The following ABCD3 variants were observed in gnomAD, a reference collection of about 807,000 sequenced individuals.
ABCD3 encodes the protein ATP binding cassette subfamily D member 3, also known as ATP-binding cassette sub-family D member 3.
A neutral mutation model predicts 105.5 loss-of-function variants in ABCD3; 41 were observed. The ratio of observed to expected loss-of-function variants is 0.39; its 90% confidence interval spans 0.30 to 0.50. The LOEUF (loss-of-function observed/expected upper bound fraction) is 0.50, where lower values mean the gene tolerates loss of function less well. Ranked by LOEUF, ABCD3 falls within the 20% of genes least tolerant of loss-of-function variation. ABCD3 has a pLI of 0.84. For missense variants in ABCD3, 622 were observed against 806.3 expected (o/e 0.77, Z 2.77); for synonymous variants, 258 against 269.0 (o/e 0.96, Z 0.40).
intron 1 of ABCD3, among the ~76,000 whole-genome samples, chr1:94,452,713 G>T (rs978009509): frequency 7.9e-5 from 12 of 151,228 alleles, no homozygotes; most frequent in African/African-American, 2.2e-4. Flanking sequence ...GGTGTCAATG[G>T]TTTTTTTTGT....
the ABCD3 span, among the ~76,000 whole-genome samples, chr1:94,390,705 G>A: frequency 6.6e-6 from 1 of 152,274 alleles, no homozygotes; most frequent in African/African-American, 2.4e-5. Flanking sequence ...GGGAAGGACA[G>A]TTGCAAGTGT....
chr1:94,410,146 G>A, the ABCD3 span, among the ~76,000 whole-genome samples: 1 of 152,166 alleles, frequency 6.6e-6, no homozygotes. Flanking sequence ...GGGGACAAGA[G>A]AACCAAAATT....
At chr1:94,474,045 T>A (rs1648613282) in intron 5 of ABCD3, among the ~76,000 whole-genome samples, 1 of 148,960 alleles carries the variant, frequency 6.7e-6, no homozygotes, top group African/African-American at 2.5e-5. Flanking sequence ...ATTTATAATG[T>A]GTATATATAT....
chr1:94,452,322 G>A (rs1647296262), intron 1 of ABCD3, among the ~76,000 whole-genome samples: 1 of 152,214 alleles, frequency 6.6e-6, no homozygotes. Context: ...TAGTATATGA[G>A]CAAATAGTGG....
intron 1 of ABCD3, among the ~76,000 whole-genome samples, chr1:94,441,968 T>C (rs1177109419): frequency 6.6e-6 from 1 of 152,198 alleles, no homozygotes; most frequent in Admixed American, 6.5e-5. Flanking sequence ...CTATCCATGT[T>C]AATTTCATGA....
chr1:94,514,905 T>C (rs1366963499), intron 21 of ABCD3: 5 of 483,680 alleles, frequency 1.0e-5, no homozygotes, highest in African/African-American at 9.7e-5. Flanking sequence ...GGAGATATGT[T>C]TTTTGCCCAA....
chr1:94,474,745 C>T (rs1173179685), intron 5 of ABCD3, among the ~76,000 whole-genome samples: 1 of 148,984 alleles, frequency 6.7e-6, no homozygotes, highest in African/African-American at 2.5e-5. Flanking sequence ...TTAACAAATG[C>T]AAATATAGTG....
Position 94,475,169 on chromosome 1 carries a change from G to T in ABCD3, c.432G>T (p.Lys144Asn), listed in dbSNP as rs1405303889. Reference sequence around the variant, plus strand: ...TCTCTCTGGTTAATAACTTCTTGAAGTATGGGTTAAATGAGCTTAAACTGT... The same window carrying T: ...TCTCTCTGGTTAATAACTTCTTGAATTATGGGTTAAATGAGCTTAAACTGT... ...PLISLVNNFL[K>N]YGLNELKLCF... The change falls in exon 6 of 23, where the codon AAG becomes AAT. Residue 144 changes from lysine (K) to asparagine (N), a missense_variant. Physicochemically the swap from Lys to Asn is moderately conservative, Grantham distance 94. Around this residue, in one of 4 missense-constraint regions of ABCD3, gnomAD observed 245 missense variants for 356.4 expected, o/e 0.69. Coordinates refer to ENST00000370214, the MANE Select transcript of ABCD3 (RefSeq NM_002858.4). The T allele has an allele frequency of 4.4e-6, 7 of 1,603,472 alleles. No homozygotes were observed. Among genetic ancestry groups the T allele is most frequent in the Non-Finnish European group, 6.0e-6 (7 of 1,173,802 alleles).
chr1:94,506,921 T>C (rs948402351), intron 21 of ABCD3, among the ~76,000 whole-genome samples: 36 of 151,920 alleles, frequency 2.4e-4, no homozygotes, highest in African/African-American at 8.4e-4. Flanking sequence ...ACAAAAGATA[T>C]CTCATTTATA....
At chr1:94,463,724 T>C (rs775225772) in intron 2 of ABCD3, among the ~76,000 whole-genome samples, 6 of 152,178 alleles carry the variant, frequency 3.9e-5, no homozygotes, top group Non-Finnish European at 7.3e-5. Context: ...ACTTCCATTT[T>C]CATGGAGCTA....
chr1:94,498,608 T>C lies in ABCD3; in HGVS notation c.1393T>C (p.Ser465Pro). 1 of 1,613,166 alleles carries C rather than the reference T, an allele frequency of 6.2e-7. No homozygotes were observed. Among genetic ancestry groups the C allele is most frequent in the Non-Finnish European group, 8.5e-7 (1 of 1,179,702 alleles). ...LIRDLNFEVR[S>P]GANVLICGPN... ...ATTTTTTTTTTTTTTTCAGGTTCGATCTGGGGCTAATGTTCTAATTTGTGG... is the reference window on the plus strand; with the variant it reads ...ATTTTTTTTTTTTTTTCAGGTTCGACCTGGGGCTAATGTTCTAATTTGTGG... Residue 465 changes from serine to proline, a missense_variant, in exon 17 of 23, where the codon TCT (serine) becomes CCT (proline). This residue lies in a region of ABCD3 where 285 missense variants were observed against 352.5 expected (regional missense o/e 0.81). Coordinates refer to ENST00000370214, the MANE Select transcript of ABCD3 (RefSeq NM_002858.4).
Position 94,489,754 on chromosome 1 carries a change from A to C in ABCD3, c.1187A>C (p.Gln396Pro). The change falls in exon 14 of 23, where the codon CAA becomes CCA. Residue 396 changes from glutamine (Q) to proline (P), a missense_variant. Transcript: ENST00000370214. Reference protein sequence around the residue: ...GFTARITELMQVLKDLNHGKY... With the variant: ...GFTARITELMPVLKDLNHGKY... The stretch of plus-strand genomic sequence containing the variant: ...ACTGCTCGGATTACAGAATTAATGC[A>C]AGTACTGAAGGATTTAAATCATGGC... The C allele has an allele frequency of 6.2e-7, 1 of 1,613,196 alleles. No individual in the cohort carries two copies. The highest frequency in any genetic ancestry group is 1.1e-5 in the South Asian group (1 of 91,050).
At chr1:94,472,675 G>A (rs1230922447) in intron 4 of ABCD3, among the ~76,000 whole-genome samples, 1 of 152,060 alleles carries the variant, frequency 6.6e-6, no homozygotes, top group Non-Finnish European at 1.5e-5. Context: ...ACATTTGTTA[G>A]ATTTGTTTAA....
chr1:94,462,708 C>G (rs1406127401), intron 2 of ABCD3, among the ~76,000 whole-genome samples: 7 of 152,074 alleles, frequency 4.6e-5, no homozygotes, highest in African/African-American at 1.7e-4. Context: ...TTTAGAGTAG[C>G]TAGAAACAGG....
chr1:94,482,001 C>G (rs1284377525), intron 9 of ABCD3: 1 of 152,184 alleles, frequency 6.6e-6, no homozygotes, highest in Non-Finnish European at 1.5e-5. Flanking sequence ...GGGCAGCCAT[C>G]AATATTCCAG....
intron 8 of ABCD3, 26 bp from the exon 9 acceptor site, chr1:94,480,438 G>GC (rs772190394): frequency 2.5e-6 from 4 of 1,613,326 alleles, no homozygotes; most frequent in Non-Finnish European, 3.4e-6. Context: ...AGAACTTTGT[G>GC]TATCTTTCTC....
the ABCD3 span, among the ~76,000 whole-genome samples, chr1:94,403,917 A>T: frequency 6.6e-6 from 1 of 152,174 alleles, no homozygotes; most frequent in Non-Finnish European, 1.5e-5. Context: ...ATGAGGTATG[A>T]TCATTGCTAC....
chr1:94,510,882 T>C (rs1365083901), intron 21 of ABCD3, among the ~76,000 whole-genome samples: 1 of 152,172 alleles, frequency 6.6e-6, no homozygotes, highest in Non-Finnish European at 1.5e-5. Flanking sequence ...AGCCTATGTG[T>C]GTCTCTGCAC....
intron 16 of ABCD3, among the ~76,000 whole-genome samples, chr1:94,495,895 A>G (rs1335574804): frequency 6.6e-6 from 1 of 152,190 alleles, no homozygotes; most frequent in Non-Finnish European, 1.5e-5. Flanking sequence ...TATGAGGAAC[A>G]TTCAGTATAT....
Sources: gnomAD v4.1 joint callset for allele counts (sites outside exome capture counted in the v4.1 genomes callset) on GRCh38, gnomAD v4.1.1 for gene constraint, gnomAD v4.1.1 regional missense constraint, MANE v1.5 for transcripts, NCBI Gene and HGNC (gene_info 2026-07-23, HGNC 2026-07-21) for gene names.